NELL1: variants seen among roughly 807,000 people sequenced by gnomAD.
NELL1 encodes the protein neural EGFL like 1.
Under a neutral mutation model 107.4 loss-of-function variants are expected in NELL1, and 76 were observed. The observed-to-expected ratio is 0.71, with a 90% CI of 0.59 to 0.86. The LOEUF (loss-of-function observed/expected upper bound fraction) is 0.86, where lower values mean the gene tolerates loss of function less well. Among genes scored for constraint, NELL1 ranks in the 40% least tolerant of loss-of-function variants. The probability of loss-of-function intolerance (pLI) is 0.00; values close to 1 mark genes in which losing one functional copy is unlikely to be tolerated. For synonymous variants in NELL1, 353 were observed against 341.2 expected (o/e 1.03, Z -0.38); for missense variants, 1,024 against 1,005.5 (o/e 1.02, Z -0.25).
intron 13 of NELL1, among the ~76,000 whole-genome samples, chr11:21,220,040 A>C (rs369700768): frequency 6.6e-6 from 1 of 152,218 alleles, no homozygotes; most frequent in Non-Finnish European, 1.5e-5. Flanking sequence ...ACTCACTATC[A>C]TGAGAACAGC....
At chr11:20,909,605 A>T (rs1850080360) in intron 5 of NELL1, among the ~76,000 whole-genome samples, 1 of 37,386 alleles carries the variant, frequency 2.7e-5, no homozygotes, top group African/African-American at 3.5e-5. Context: ...CAATGAAGTT[A>T]CTCTCTTGCT....
chr11:21,310,838 G>T (rs1448932201), intron 14 of NELL1, among the ~76,000 whole-genome samples: 1 of 152,050 alleles, frequency 6.6e-6, no homozygotes, highest in African/African-American at 2.4e-5. Context: ...GGTAATGTGG[G>T]CTAGATCCTG....
At chr11:21,296,674 G>A (rs1012486188) in intron 14 of NELL1, among the ~76,000 whole-genome samples, 11 of 151,942 alleles carry the variant, frequency 7.2e-5, no homozygotes. Flanking sequence ...GCTGGAAAAG[G>A]CATCAAATAC....
At chr11:21,393,637 G>T (rs1851925540) in intron 15 of NELL1, among the ~76,000 whole-genome samples, 1 of 151,710 alleles carries the variant, frequency 6.6e-6, no homozygotes, top group Non-Finnish European at 1.5e-5. Context: ...AGACAGGAAA[G>T]CATTGCTCTA....
intron 2 of NELL1, among the ~76,000 whole-genome samples, chr11:20,775,263 C>G (rs1204078664): frequency 1.3e-5 from 2 of 152,126 alleles, no homozygotes; most frequent in Non-Finnish European, 2.9e-5. Flanking sequence ...TTTATGTTAC[C>G]ATAGACTTGG....
chr11:21,033,599 T>C (rs1395630982), intron 12 of NELL1, among the ~76,000 whole-genome samples: 1 of 152,134 alleles, frequency 6.6e-6, no homozygotes, highest in Non-Finnish European at 1.5e-5. Flanking sequence ...TAGTATTCCA[T>C]AGTGTATATG....
chr11:21,077,328 A>G (rs989533357), intron 12 of NELL1, among the ~76,000 whole-genome samples: 4 of 152,216 alleles, frequency 2.6e-5, no homozygotes, highest in Non-Finnish European at 5.9e-5. Context: ...ATAAAGATAT[A>G]TATCACAAAG....
At chr11:21,395,043 C>A (rs10734296) in intron 15 of NELL1, among the ~76,000 whole-genome samples, 99,415 of 151,154 alleles carry the variant, frequency 0.66, 32,900 homozygotes, top group African/African-American at 0.72. Context: ...ATTTGAGAGA[C>A]TGAAAGTAAA....
intron 5 of NELL1, among the ~76,000 whole-genome samples, chr11:20,914,126 A>G (rs1427529948): frequency 6.6e-6 from 1 of 152,092 alleles, no homozygotes; most frequent in Non-Finnish European, 1.5e-5. Context: ...GTGTTAATCG[A>G]AAAGTGTCTG....
At chr11:20,916,540 A>T (rs1408627516) in intron 5 of NELL1, among the ~76,000 whole-genome samples, 1 of 151,830 alleles carries the variant, frequency 6.6e-6, no homozygotes, top group Non-Finnish European at 1.5e-5. Context: ...TGGATGATAA[A>T]AATAAAAATA....
intron 12 of NELL1, among the ~76,000 whole-genome samples, chr11:21,017,832 A>C (rs1464397269): frequency 1.3e-5 from 2 of 152,006 alleles, no homozygotes; most frequent in Admixed American, 6.6e-5. Flanking sequence ...TCTTTCTATC[A>C]TCCTTATCTA....
chr11:20,959,395 T>G (rs1429135843), intron 11 of NELL1, among the ~76,000 whole-genome samples: 1 of 152,144 alleles, frequency 6.6e-6, no homozygotes, highest in Non-Finnish European at 1.5e-5. Context: ...GCAGCACAAT[T>G]CACAATTGCA....
intron 14 of NELL1, among the ~76,000 whole-genome samples, chr11:21,273,339 G>C (rs1475526623): frequency 6.6e-6 from 1 of 152,168 alleles, no homozygotes; most frequent in African/African-American, 2.4e-5. Flanking sequence ...GAAGCGAGAA[G>C]AGAAGTTTAA....
chr11:20,979,827 T>C (rs1311167010), intron 12 of NELL1, among the ~76,000 whole-genome samples: 2 of 152,188 alleles, frequency 1.3e-5, no homozygotes, highest in Non-Finnish European at 2.9e-5. Context: ...CATGACCAGG[T>C]TGAGGCTTCT....
chr11:21,049,996 A>G (rs1853453218), intron 12 of NELL1, among the ~76,000 whole-genome samples: 1 of 152,194 alleles, frequency 6.6e-6, no homozygotes, highest in Non-Finnish European at 1.5e-5. Flanking sequence ...AAACATATAT[A>G]TGTTAATTAA....
intron 16 of NELL1, 121 bp downstream of exon 16, chr11:21,534,635 G>C (rs1856086899): frequency 1.9e-6 from 2 of 1,078,240 alleles, no homozygotes; most frequent in Non-Finnish European, 2.7e-6. Context: ...AAATGCATCA[G>C]TTTTCAAATT....
intron 5 of NELL1, among the ~76,000 whole-genome samples, chr11:20,897,137 G>A (rs1455516897): frequency 1.3e-5 from 2 of 152,148 alleles, no homozygotes; most frequent in Admixed American, 6.5e-5. Flanking sequence ...AAAGCTGGAG[G>A]CATCATGCTA....
intron 13 of NELL1, among the ~76,000 whole-genome samples, chr11:21,176,482 C>A (rs1856714920): frequency 6.6e-6 from 1 of 151,792 alleles, no homozygotes; most frequent in Non-Finnish European, 1.5e-5. Context: ...GTCTGGCCCA[C>A]CTGAGGTTTA....
At chr11:21,267,702 CTT>C (rs886973221) in intron 14 of NELL1, among the ~76,000 whole-genome samples, 1 of 151,804 alleles carries the variant, frequency 6.6e-6, no homozygotes, top group Admixed American at 6.6e-5. Context: ...TTTATATACT[CTT>C]TTGTATTTAA....
Sources: gnomAD v4.1 joint callset for allele counts (sites outside exome capture counted in the v4.1 genomes callset) on GRCh38, gnomAD v4.1.1 for gene constraint, MANE v1.5 for transcripts, NCBI Gene and HGNC (gene_info 2026-07-23, HGNC 2026-07-21) for gene names.